FAM118B: variants seen among roughly 807,000 people sequenced by gnomAD.
The protein encoded by FAM118B is SIR2 antiphage like 1.
In FAM118B, 24 loss-of-function variants were observed where a neutral mutation model predicts 38.5. The observed-to-expected ratio is 0.62, with a 90% CI of 0.45 to 0.88. The LOEUF (loss-of-function observed/expected upper bound fraction) is 0.88, where lower values mean the gene tolerates loss of function less well. FAM118B is among the 40% of genes least tolerant of loss of function. The probability of loss-of-function intolerance (pLI) is 0.00; values close to 1 mark genes in which losing one functional copy is unlikely to be tolerated. For synonymous variants in FAM118B, 138 were observed against 156.3 expected (o/e 0.88, Z 0.87); for missense variants, 334 against 420.0 (o/e 0.80, Z 1.79).
intron 2 of FAM118B, among the ~76,000 whole-genome samples, chr11:126,229,939 T>C (rs1433318009): frequency 6.6e-6 from 1 of 152,174 alleles, no homozygotes; most frequent in African/African-American, 2.4e-5. Context: ...GTGGCATCAG[T>C]CTGGCATTTC....
intron 7 of FAM118B, chr11:126,261,108 G>A (rs1950685924): frequency 4.3e-6 from 1 of 234,352 alleles, no homozygotes; most frequent in African/African-American, 2.2e-5. Context: ...ACCGAAACTT[G>A]GCCCTCTAGA....
At chr11:126,236,298 A>G (rs1287202342) in intron 3 of FAM118B, among the ~76,000 whole-genome samples, 2 of 152,218 alleles carry the variant, frequency 1.3e-5, no homozygotes, top group Non-Finnish European at 2.9e-5. Flanking sequence ...GACATATTTG[A>G]AAAGGTCTTT....
rs539788798 is a variant in FAM118B at position 126,244,585 on chromosome 11, C to T, written c.339+3541C>T. On this transcript the variant is annotated intron_variant, in intron 4 of 8. Transcript: ENST00000533050. The surrounding 1 kb of genome is among the most constrained non-coding windows in gnomAD (Gnocchi z 4.5). ...TTGGGAGGCCGAGGTGGGCGGATCA[C>T]CTGAGGTCGGGAGGTAGAGACCAGC... Among the ~76,000 whole-genome samples, 4 of 152,286 alleles carry T rather than the reference C, an allele frequency of 2.6e-5. No individual in the cohort carries two copies. Among genetic ancestry groups the T allele is most frequent in the Non-Finnish European group, 5.9e-5 (4 of 68,028 alleles).
intron 2 of FAM118B, among the ~76,000 whole-genome samples, chr11:126,232,389 G>T (rs182284776): frequency 5.9e-4 from 90 of 152,230 alleles, no homozygotes; most frequent in African/African-American, 2.1e-3. Flanking sequence ...ACAATGCCTC[G>T]TAAGGTTATG....
intron 1 of FAM118B, among the ~76,000 whole-genome samples, chr11:126,217,108 G>C (rs530398724): frequency 6.6e-6 from 1 of 152,362 alleles, no homozygotes; most frequent in Non-Finnish European, 1.5e-5. Context: ...AACCCACACA[G>C]ACATGGGGAG....
At chr11:126,219,583 G>A (rs1395658981) in intron 1 of FAM118B, among the ~76,000 whole-genome samples, 1 of 151,656 alleles carries the variant, frequency 6.6e-6, no homozygotes, top group African/African-American at 2.4e-5. Flanking sequence ...TGCCTTAAGA[G>A]TCAAATTAAC....
chr11:126,240,746 A>G lies in FAM118B; in HGVS notation c.87-46A>G. 6 of 1,532,956 alleles carry G rather than the reference A, an allele frequency of 3.9e-6. No homozygotes were observed. The South Asian group carries it at 6.4e-5, about 16-fold the overall frequency. The allele number at this position is 1,532,956 out of a possible 1,614,324, so 95.0% of individuals were successfully genotyped here. ...GTCAGACAGTCTTTCTGTGTGCCTCATATCTATTGGATATTCCAATCCTCT... is the reference window on the plus strand; with the variant it reads ...GTCAGACAGTCTTTCTGTGTGCCTCGTATCTATTGGATATTCCAATCCTCT... On this transcript the variant is annotated intron_variant, in intron 3 of 8. Coordinates refer to ENST00000533050, the MANE Select transcript of FAM118B (RefSeq NM_024556.4).
At chr11:126,232,572 C>T (rs1950221324) in intron 2 of FAM118B, among the ~76,000 whole-genome samples, 1 of 151,924 alleles carries the variant, frequency 6.6e-6, no homozygotes, top group East Asian at 1.9e-4. Context: ...AGTGTTTTTA[C>T]TTGCATGTCA....
intron 1 of FAM118B, among the ~76,000 whole-genome samples, chr11:126,213,880 G>C (rs545452714): frequency 1.1e-4 from 17 of 152,294 alleles, no homozygotes; most frequent in African/African-American, 3.8e-4. Context: ...TCTGGAGAAG[G>C]AACTTTTAGG....
In FAM118B at chr11:126,252,760, C is replaced by T. The variant is rs1950522288; in HGVS notation, c.568-1545C>T. 6.6e-6 allele frequency among the ~76,000 whole-genome samples: 1 copy of T among 152,060 alleles called. No homozygotes were observed. Among genetic ancestry groups the T allele is most frequent in the Non-Finnish European group, 1.5e-5 (1 of 67,998 alleles). ...CATGTCTCTAAATAAATAGGCTGGG[C>T]ACAGTGGTTCACGTCTGTAATCCCA... is the stretch of plus-strand genomic sequence containing the variant. On this transcript the variant is annotated intron_variant, in intron 5 of 8. Coordinates refer to ENST00000533050, the MANE Select transcript of FAM118B (RefSeq NM_024556.4). This position sits in a 1 kb window ranked among gnomAD's most constrained non-coding sequence, Gnocchi z 4.7.
intron 1 of FAM118B, among the ~76,000 whole-genome samples, chr11:126,215,132 G>A (rs1184958949): frequency 6.6e-6 from 1 of 152,164 alleles, no homozygotes; most frequent in Non-Finnish European, 1.5e-5. Flanking sequence ...CAGTTCAGCC[G>A]CTGCGTACTT....
intron 1 of FAM118B, among the ~76,000 whole-genome samples, chr11:126,227,058 CTTTTTTTTTTT>C (rs575065140): frequency 2.1e-5 from 2 of 97,172 alleles, no homozygotes; most frequent in Non-Finnish European, 4.0e-5. Context: ...ATACAAGCTT[CTTTTTTTTTTT>C]TTTTTTTTTT....
intron 4 of FAM118B, among the ~76,000 whole-genome samples, chr11:126,243,428 C>T (rs1431113448): frequency 6.6e-6 from 1 of 150,830 alleles, no homozygotes; most frequent in Non-Finnish European, 1.5e-5. Flanking sequence ...CGTGCTACTG[C>T]ACTGCAGTCT....
rs1426617733 is a variant in FAM118B at position 126,256,008 on chromosome 11, C to T, written c.697-559C>T. ...ACTACTGGCCAAGTGCAGTGGCTCACGCCTGTAATCCCAGCACTTTGGGAG... is the reference window on the plus strand; with the variant it reads ...ACTACTGGCCAAGTGCAGTGGCTCATGCCTGTAATCCCAGCACTTTGGGAG... On this transcript the variant is annotated intron_variant, in intron 6 of 8. Transcript: ENST00000533050. The surrounding 1 kb of genome is among the most constrained non-coding windows in gnomAD (Gnocchi z 6.6). Among the ~76,000 whole-genome samples, 4 of 152,106 alleles carry T rather than the reference C, an allele frequency of 2.6e-5. No homozygotes were observed. The highest frequency in any genetic ancestry group is 4.8e-5 in the African/African-American group (2 of 41,436).
In FAM118B at chr11:126,215,767, T is replaced by C. The variant is rs145599383; in HGVS notation, c.-77+3937T>C. Among the ~76,000 whole-genome samples the C allele has an allele frequency of 2.9e-3, 445 of 151,614 alleles. 2 individuals carry two copies. The highest frequency in any genetic ancestry group is 9.3e-3 in the African/African-American group (383 of 41,304). On this transcript the variant is annotated intron_variant, in intron 1 of 8. Transcript: ENST00000533050. ...GGCTCACACCTTAATCCCAGCACTT[T>C]GGGAGGCCTAGCGGGGAGGATCTTT... is the stretch of plus-strand genomic sequence containing the variant.
intron 1 of FAM118B, among the ~76,000 whole-genome samples, chr11:126,212,452 C>T (rs567874483): frequency 4.9e-4 from 74 of 152,276 alleles, no homozygotes; most frequent in African/African-American, 1.8e-3. Flanking sequence ...TCACGAGATG[C>T]GATGTTGGGA....
At chr11:126,249,802 G>T (rs1252292981) in intron 4 of FAM118B, among the ~76,000 whole-genome samples, 1 of 151,652 alleles carries the variant, frequency 6.6e-6, no homozygotes, top group Non-Finnish European at 1.5e-5. Flanking sequence ...GTGTCTCAGT[G>T]GCGTTTCCCT....
Position 126,256,422 on chromosome 11 carries a change from C to T in FAM118B, c.697-145C>T. On this transcript the variant is annotated intron_variant, in intron 6 of 8. Transcript: ENST00000533050. This position sits in a 1 kb window ranked among gnomAD's most constrained non-coding sequence, Gnocchi z 6.6. ...CAAGTTACAGCAATAAGCAAGAGAT[C>T]ACACTCCTTGATGGGACATACCAAC... is the stretch of plus-strand genomic sequence containing the variant. The T allele has an allele frequency of 1.5e-6, 1 of 653,648 alleles. No individual in the cohort carries two copies. The highest frequency in any genetic ancestry group is 2.6e-6 in the Non-Finnish European group (1 of 384,140). 40.5% of individuals were successfully genotyped at this position (653,648 alleles called of 1,614,324 possible).
At chr11:126,258,801 C>T (rs578107116) in intron 7 of FAM118B, among the ~76,000 whole-genome samples, 13 of 152,246 alleles carry the variant, frequency 8.5e-5, no homozygotes, top group African/African-American at 2.2e-4. Context: ...CAGCAAAATC[C>T]GTCTGCATAA....
Sources: gnomAD v4.1 joint callset for allele counts (sites outside exome capture counted in the v4.1 genomes callset) on GRCh38, gnomAD v4.1.1 for gene constraint, Gnocchi (gnomAD v3.1) non-coding constraint, MANE v1.5 for transcripts, NCBI Gene and HGNC (gene_info 2026-07-23, HGNC 2026-07-21) for gene names.